GSN: variants seen among roughly 807,000 people sequenced by gnomAD.
GSN encodes gelsolin, also known as actin-depolymerizing factor.
In GSN, 56 loss-of-function variants were observed where a neutral mutation model predicts 85.7. The ratio of observed to expected loss-of-function variants is 0.65; its 90% CI spans 0.53 to 0.82. GSN has a LOEUF of 0.82. Ranked by LOEUF, GSN falls within the 40% of genes least tolerant of loss-of-function variation. The probability of loss-of-function intolerance (pLI) is 0.00; values close to 1 mark genes in which losing one functional copy is unlikely to be tolerated. For synonymous variants in GSN, 373 were observed against 399.1 expected (o/e 0.93, Z 0.78); for missense variants, 857 against 979.8 (o/e 0.87, Z 1.67).
At chr9:121,220,235 C>T (rs1156426902) in intron 4 of GSN, among the ~76,000 whole-genome samples, 2 of 152,226 alleles carry the variant, frequency 1.3e-5, no homozygotes. Context: ...ACTCTCCAAA[C>T]TTTCACTATT....
At chr9:121,283,960 A>G in intron 2 of GSN, 1 of 167,490 alleles carries the variant, frequency 6.0e-6, no homozygotes. Flanking sequence ...GAGGTGGCTG[A>G]GTGAGCAGGG....
intron 5 of GSN, among the ~76,000 whole-genome samples, chr9:121,234,124 T>C (rs1034597363): frequency 2.6e-5 from 4 of 151,494 alleles, no homozygotes; most frequent in African/African-American, 9.7e-5. Flanking sequence ...CAAAGGGTGC[T>C]TTCTCCTGTA....
In GSN at chr9:121,299,353, C is replaced by T. The variant is rs983313748; in HGVS notation, c.-9-2610C>T. 1 of 979,828 alleles carries T rather than the reference C, an allele frequency of 1.0e-6. No homozygotes were observed. Among genetic ancestry groups the T allele is most frequent in the African/African-American group, 1.8e-5 (1 of 57,098 alleles). 60.7% of individuals were successfully genotyped at this position (979,828 alleles called of 1,614,324 possible). ...GGCCCACTACGGCCTGAGTTCAAAT[C>T]CCGGCAGCACCATTTACAAGCTGTG... On this transcript the variant is annotated intron_variant, in intron 2 of 17. Transcript: ENST00000432226. This position sits in a 1 kb window ranked among gnomAD's most constrained non-coding sequence, Gnocchi z 4.2.
chr9:121,310,203 T>C (rs1315811882), intron 4 of GSN: 1 of 231,302 alleles, frequency 4.3e-6, no homozygotes, highest in African/African-American at 2.3e-5. Flanking sequence ...ATTATGCACA[T>C]GCGCGTTGTA....
At chr9:121,291,725 T>G (rs1191257951) in intron 2 of GSN, among the ~76,000 whole-genome samples, 3 of 151,916 alleles carry the variant, frequency 2.0e-5, no homozygotes, top group Non-Finnish European at 4.4e-5. Flanking sequence ...TGGCCCCCAT[T>G]GGACTTTTTC....
At chr9:121,271,690 G>A (rs1376392947) in intron 1 of GSN, among the ~76,000 whole-genome samples, 1 of 152,328 alleles carries the variant, frequency 6.6e-6, no homozygotes, top group Non-Finnish European at 1.5e-5. Context: ...TGCAGAGCTT[G>A]GAGAGCTCAG....
intron 6 of GSN, among the ~76,000 whole-genome samples, chr9:121,255,009 C>T (rs578256859): frequency 2.8e-4 from 42 of 152,186 alleles, no homozygotes; most frequent in Non-Finnish European, 5.3e-4. Flanking sequence ...GAGTCAGTGG[C>T]GTGATCTCGG....
rs938692991 is a variant in GSN at position 121,329,369 on chromosome 9, G to A, written c.1965+54G>A. The A allele has an allele frequency of 5.7e-6, 6 of 1,044,106 alleles. No individual in the cohort carries two copies. In the Admixed American group the frequency reaches 8.4e-5, roughly 15 times the overall value. The allele number at this position is 1,044,106 out of a possible 1,614,324, so 64.7% of individuals were successfully genotyped here. ...GTGCCAGAGGGAGTGGGAGAAACTA[G>A]ACTTCCAGTTCTATGATCAGTTGCT... On this transcript the variant is annotated intron_variant, in intron 16 of 17. Coordinates refer to ENST00000432226, the MANE Select transcript of GSN (RefSeq NM_198252.3). This position sits in a 1 kb window ranked among gnomAD's most constrained non-coding sequence, Gnocchi z 4.6.
intron 1 of GSN, among the ~76,000 whole-genome samples, chr9:121,278,465 C>T (rs1397752126): frequency 6.6e-6 from 1 of 152,188 alleles, no homozygotes; most frequent in African/African-American, 2.4e-5. Flanking sequence ...CCCATCCCAC[C>T]TCCAGAGCAG....
At chr9:121,258,332 G>A (rs557637969) in intron 6 of GSN, among the ~76,000 whole-genome samples, 1 of 152,178 alleles carries the variant, frequency 6.6e-6, no homozygotes, top group Non-Finnish European at 1.5e-5. Flanking sequence ...GCGTGGTGGT[G>A]TGTGCCTGTA....
At chr9:121,310,648 C>T (rs1309854243) in intron 4 of GSN, 36 bp from the exon 5 acceptor site, 2 of 1,608,980 alleles carry the variant, frequency 1.2e-6, no homozygotes, top group Non-Finnish European at 8.5e-7. Flanking sequence ...CCTGGGCCTT[C>T]TCCCCTGGGC....
intron 5 of GSN, 47 bp from the exon 6 acceptor site, chr9:121,312,292 G>A (rs1304780829): frequency 6.2e-7 from 1 of 1,609,212 alleles, no homozygotes; most frequent in African/African-American, 1.3e-5. Flanking sequence ...GCTGGGCGGG[G>A]CTTATAGGAA....
chr9:121,230,523 T>C (rs2054366976), intron 4 of GSN, among the ~76,000 whole-genome samples: 1 of 151,754 alleles, frequency 6.6e-6, no homozygotes, highest in Non-Finnish European at 1.5e-5. Context: ...GAAGTTGCAA[T>C]GTGGGGGATA....
upstream of GSN, among the ~76,000 whole-genome samples, chr9:121,205,396 A>G (rs1409295845): frequency 6.6e-6 from 1 of 152,222 alleles, no homozygotes; most frequent in Non-Finnish European, 1.5e-5. Flanking sequence ...CTGCAGGAAG[A>G]TGGGACTGAC....
chr9:121,315,786 A>T (rs1444222022), intron 7 of GSN, among the ~76,000 whole-genome samples: 2 of 152,136 alleles, frequency 1.3e-5, no homozygotes, highest in Admixed American at 6.5e-5. Context: ...TAAATAAAAT[A>T]AAAAAAGAAA....
At chr9:121,246,261 A>G (rs1324308314) in intron 5 of GSN, among the ~76,000 whole-genome samples, 1 of 152,168 alleles carries the variant, frequency 6.6e-6, no homozygotes, top group Non-Finnish European at 1.5e-5. Context: ...CCATAATAAA[A>G]AAGTTTTTTT....
intron 2 of GSN, chr9:121,283,316 T>C (rs940198308): frequency 7.0e-6 from 1 of 143,550 alleles, no homozygotes; most frequent in African/African-American, 2.5e-5. Flanking sequence ...TTTTTTTTTT[T>C]AGACGGAGTC....
chr9:121,207,923 ATGTGTGTGTGTGTGTGTGTG>A (rs59140426), intron 1 of GSN: 2 of 139,434 alleles, frequency 1.4e-5, no homozygotes, highest in Non-Finnish European at 3.1e-5. Flanking sequence ...TCTGGCTAAT[ATGTGTGTGTGTGTGTGTGTG>A]TGTGTGTGTG....
intron 4 of GSN, among the ~76,000 whole-genome samples, chr9:121,307,721 G>C (rs1045074739): frequency 6.6e-6 from 1 of 152,236 alleles, no homozygotes. Flanking sequence ...GGCAGCCACT[G>C]TGCTTGTTTC....
Sources: gnomAD v4.1 joint callset for allele counts (sites outside exome capture counted in the v4.1 genomes callset) on GRCh38, gnomAD v4.1.1 for gene constraint, Gnocchi (gnomAD v3.1) non-coding constraint, MANE v1.5 for transcripts, NCBI Gene and HGNC (gene_info 2026-07-23, HGNC 2026-07-21) for gene names.